The following IQGAP2 variants were observed in gnomAD, a reference collection of about 807,000 sequenced individuals.
IQGAP2 encodes ras GTPase-activating-like protein IQGAP2.
Under a neutral mutation model 201.3 loss-of-function variants are expected in IQGAP2, and 173 were observed. The observed-to-expected ratio is 0.86, with a 90% confidence interval of 0.76 to 0.98. IQGAP2 has a LOEUF of 0.98. Ranked by LOEUF, IQGAP2 falls within the 50% of genes least tolerant of loss-of-function variation. The pLI is 0.00. For synonymous variants in IQGAP2, 675 were observed against 673.9 expected, an observed-to-expected ratio of 1.00 and a Z score of -0.03; for missense variants, 1,687 against 1,864.8, an observed-to-expected ratio of 0.90 and a Z score of 1.76.
intron 19 of IQGAP2, 126 bp downstream of exon 19, chr5:76,654,397 T>G (rs3815774): frequency 0.13 from 79,850 of 603,080 alleles, 7,306 homozygotes; most frequent in South Asian, 0.37. Flanking sequence ...TAATGGATCT[T>G]AGAACTTCAT....
chr5:76,508,239 C>T (rs1757731623), intron 2 of IQGAP2, among the ~76,000 whole-genome samples: 1 of 149,246 alleles, frequency 6.7e-6, no homozygotes, highest in African/African-American at 2.5e-5. Context: ...GAGGCTGAGG[C>T]ATGAGAATTG....
chr5:76,619,947 T>A (rs1050623611), intron 13 of IQGAP2, among the ~76,000 whole-genome samples: 6 of 152,104 alleles, frequency 3.9e-5, no homozygotes, highest in African/African-American at 1.4e-4. Flanking sequence ...GCTGCTGGCT[T>A]TGAAGATGGA....
chr5:76,422,869 C>T (rs79410745), intron 1 of IQGAP2, among the ~76,000 whole-genome samples: 6,011 of 152,278 alleles, frequency 0.039, 402 homozygotes, highest in African/African-American at 0.14. Context: ...TTGTAGGAAT[C>T]GCCCAATTTA....
At chr5:76,507,401 C>T (rs900253203) in intron 2 of IQGAP2, among the ~76,000 whole-genome samples, 5 of 140,340 alleles carry the variant, frequency 3.6e-5, no homozygotes, top group Admixed American at 1.5e-4. Context: ...AAACACAAAA[C>T]TCTAAAACTC....
rs571428683 is a variant in IQGAP2, at chr5:76,508,026, A to C, written c.146+46357A>C. 5.4e-3 allele frequency among the ~76,000 whole-genome samples: 783 copies of C among 144,430 alleles called. 6 individuals are homozygous for C. Among genetic ancestry groups the C allele is most frequent in the Middle Eastern group, 0.024 (6 of 248 alleles). 94.8% of individuals were successfully genotyped at this position (144,430 alleles called of 152,430 possible). On this transcript the variant is annotated intron_variant, in intron 2 of 35. Transcript: ENST00000274364. ...TCTCAAAAAAAAAAAAAAAAAAAAA[A>C]ATGGGCCAAAGATATGAACAGGGGC...
At chr5:76,685,103 C>A (rs138213799) in intron 30 of IQGAP2, among the ~76,000 whole-genome samples, 1,795 of 152,266 alleles carry the variant, frequency 0.012, 34 homozygotes, top group African/African-American at 0.041. Flanking sequence ...AGGACCGCAA[C>A]CAAGTTGCAG....
intron 1 of IQGAP2, among the ~76,000 whole-genome samples, chr5:76,432,007 C>G (rs1436435284): frequency 1.3e-5 from 2 of 151,228 alleles, no homozygotes; most frequent in African/African-American, 4.9e-5. Context: ...TGTATTATCT[C>G]CCAAATGGAA....
At chr5:76,537,432 T>C (rs1759687672) in intron 2 of IQGAP2, among the ~76,000 whole-genome samples, 1 of 151,944 alleles carries the variant, frequency 6.6e-6, no homozygotes, top group African/African-American at 2.4e-5. Flanking sequence ...ACTGCAAAAT[T>C]CCAAAGTGCA....
intron 1 of IQGAP2, among the ~76,000 whole-genome samples, chr5:76,447,480 AAAAC>A (rs898090022): frequency 2.6e-5 from 4 of 151,894 alleles, no homozygotes; most frequent in African/African-American, 4.8e-5. Flanking sequence ...TGTAACTGCA[AAAAC>A]AAACAAACAA....
At chr5:76,682,623 A>T (rs1293543584) in intron 28 of IQGAP2, among the ~76,000 whole-genome samples, 1 of 152,186 alleles carries the variant, frequency 6.6e-6, no homozygotes, top group African/African-American at 2.4e-5. Flanking sequence ...ACCACTCAGG[A>T]CATCTAGGTC....
intron 2 of IQGAP2, among the ~76,000 whole-genome samples, chr5:76,531,299 C>T (rs929720146): frequency 1.3e-5 from 2 of 152,150 alleles, no homozygotes; most frequent in African/African-American, 4.8e-5. Flanking sequence ...AGGGTCTCTG[C>T]TCTGTTGCCC....
At chr5:76,601,717 G>C (rs1169570852) in intron 11 of IQGAP2, among the ~76,000 whole-genome samples, 1 of 152,156 alleles carries the variant, frequency 6.6e-6, no homozygotes. Flanking sequence ...ATTTTGGAAC[G>C]GCTCTAATAG....
chr5:76,587,681 G>A (rs986786119), intron 5 of IQGAP2, among the ~76,000 whole-genome samples: 5 of 152,092 alleles, frequency 3.3e-5, no homozygotes, highest in African/African-American at 1.2e-4. Flanking sequence ...GGCCAGACAC[G>A]ATGGCTCATG....
chr5:76,488,279 A>G (rs1039844366), intron 2 of IQGAP2, among the ~76,000 whole-genome samples: 4 of 152,266 alleles, frequency 2.6e-5, no homozygotes, highest in African/African-American at 7.2e-5. Flanking sequence ...ACTCTTTGGC[A>G]TCAAAGTGTG....
chr5:76,650,401 C>G (rs1322386090), intron 17 of IQGAP2, among the ~76,000 whole-genome samples: 2 of 152,146 alleles, frequency 1.3e-5, no homozygotes, highest in African/African-American at 4.8e-5. Flanking sequence ...TACCCTTTCT[C>G]TTTGTTCACT....
At chr5:76,501,221 A>G (rs1256330530) in intron 2 of IQGAP2, among the ~76,000 whole-genome samples, 1 of 152,188 alleles carries the variant, frequency 6.6e-6, no homozygotes, top group African/African-American at 2.4e-5. Flanking sequence ...TACTGGTGCC[A>G]GAAAATTCCA....
At chr5:76,577,802 A>G (rs765526478) in intron 5 of IQGAP2, among the ~76,000 whole-genome samples, 3 of 152,240 alleles carry the variant, frequency 2.0e-5, no homozygotes, top group Non-Finnish European at 2.9e-5. Flanking sequence ...GATGATGGAA[A>G]TGAACTAACA....
At chr5:76,506,165 T>G (rs1026880258) in intron 2 of IQGAP2, among the ~76,000 whole-genome samples, 1 of 152,198 alleles carries the variant, frequency 6.6e-6, no homozygotes, top group Non-Finnish European at 1.5e-5. Context: ...TTCAAACCCC[T>G]GGACAGCTCT....
chr5:76,482,323 G>T lies in IQGAP2; in HGVS notation c.146+20654G>T, dbSNP rs575623227. 3.3e-5 allele frequency among the ~76,000 whole-genome samples: 5 copies of T among 152,316 alleles called. No homozygotes were observed. The South Asian group carries it at 1.0e-3, about 32-fold the overall frequency. ...AATAACCAAAATATATGCTTATAAA[G>T]TGGTGATGAAAAATTACTTCTTGGT... is the stretch of plus-strand genomic sequence containing the variant. On this transcript the variant is annotated intron_variant, in intron 2 of 35. Transcript: ENST00000274364.
Sources: allele counts gnomAD v4.1 joint callset (sites outside exome capture counted in the v4.1 genomes callset), GRCh38; gene constraint gnomAD v4.1.1; transcripts MANE v1.5; gene names NCBI Gene and HGNC (gene_info 2026-07-23, HGNC 2026-07-21).